The following C8orf34 variants were observed in gnomAD, a reference collection of about 807,000 sequenced individuals.
C8orf34 encodes chromosome 8 open reading frame 34.
C8orf34 carries 65 observed loss-of-function variants against 68.3 expected under a neutral mutation model. That is an observed-to-expected ratio of 0.95 (90% CI 0.78 to 1.17). The LOEUF is 1.17. Among genes scored for constraint, C8orf34 ranks in the 50% most tolerant of loss-of-function variants. C8orf34 has a pLI of 0.00. For synonymous variants in C8orf34, 244 were observed against 241.2 expected, an observed-to-expected ratio of 1.01 and a Z score of -0.11; for missense variants, 664 against 655.4, an observed-to-expected ratio of 1.01 and a Z score of -0.14.
At chr8:68,702,311 G>A (rs1319385777) in intron 8 of C8orf34, among the ~76,000 whole-genome samples, 1 of 152,062 alleles carries the variant, frequency 6.6e-6, no homozygotes, top group East Asian at 1.9e-4. Flanking sequence ...CCAATCCAAA[G>A]ATGAATATTA....
chr8:68,782,596 C>T (rs1365531401), intron 11 of C8orf34, among the ~76,000 whole-genome samples: 2 of 152,082 alleles, frequency 1.3e-5, no homozygotes. Context: ...TTTAGCATGC[C>T]TTGGATTCAC....
intron 7 of C8orf34, among the ~76,000 whole-genome samples, chr8:68,630,945 ATTT>A (rs36031699): frequency 8.4e-6 from 1 of 118,350 alleles, no homozygotes; most frequent in Non-Finnish European, 1.7e-5. Context: ...ATGCCCAGCT[ATTT>A]TTTTTTTTTT....
chr8:68,532,261 A>C (rs1815279619), intron 6 of C8orf34, among the ~76,000 whole-genome samples: 1 of 152,178 alleles, frequency 6.6e-6, no homozygotes, highest in Non-Finnish European at 1.5e-5. Flanking sequence ...ATTGAAACAA[A>C]AGTTATAGCA....
At chr8:68,772,224 A>C (rs534934999) in intron 10 of C8orf34, among the ~76,000 whole-genome samples, 1 of 152,354 alleles carries the variant, frequency 6.6e-6, no homozygotes, top group African/African-American at 2.4e-5. Context: ...TTAACATCAG[A>C]GGTCTTAGAC....
At chr8:68,718,000 C>G (rs1821526106) in intron 9 of C8orf34, among the ~76,000 whole-genome samples, 1 of 152,164 alleles carries the variant, frequency 6.6e-6, no homozygotes. Context: ...CTGGTTTCTG[C>G]TCATAGATAT....
At chr8:68,539,599 C>T (rs1364406780) in intron 7 of C8orf34, among the ~76,000 whole-genome samples, 1 of 152,164 alleles carries the variant, frequency 6.6e-6, no homozygotes, top group Non-Finnish European at 1.5e-5. Flanking sequence ...CGCCTGTAAT[C>T]CCAGCACTTT....
At chr8:68,813,222 A>G (rs1824707336) in intron 12 of C8orf34, among the ~76,000 whole-genome samples, 1 of 152,194 alleles carries the variant, frequency 6.6e-6, no homozygotes, top group Non-Finnish European at 1.5e-5. Context: ...TCCCACAAGT[A>G]TAGGAAATAA....
chr8:68,746,858 G>T (rs906040055), intron 10 of C8orf34, among the ~76,000 whole-genome samples: 2 of 151,982 alleles, frequency 1.3e-5, no homozygotes, highest in Non-Finnish European at 2.9e-5. Context: ...AACAGAAAAA[G>T]AGGGAATCCT....
intron 11 of C8orf34, among the ~76,000 whole-genome samples, chr8:68,783,312 G>A (rs1055383681): frequency 3.9e-5 from 6 of 151,996 alleles, no homozygotes; most frequent in African/African-American, 1.2e-4. Flanking sequence ...GAGGTCAGGA[G>A]ATCGAGACCA....
At chr8:68,381,849 A>G (rs1808056349) in intron 1 of C8orf34, among the ~76,000 whole-genome samples, 1 of 151,988 alleles carries the variant, frequency 6.6e-6, no homozygotes. Context: ...ATACCTATAG[A>G]TTAAAAACAG....
chr8:68,525,475 T>C, intron 6 of C8orf34: 1 of 597,620 alleles, frequency 1.7e-6, no homozygotes, highest in East Asian at 2.7e-5. Context: ...TTCTTTTTGG[T>C]TTCCCTCTGA....
intron 7 of C8orf34, among the ~76,000 whole-genome samples, chr8:68,582,353 C>G (rs1247613099): frequency 2.0e-5 from 3 of 152,090 alleles, no homozygotes; most frequent in African/African-American, 7.2e-5. Context: ...GGATATTACC[C>G]CTCTGGAAAA....
At chr8:68,565,700 G>T (rs1286278496) in intron 7 of C8orf34, among the ~76,000 whole-genome samples, 1 of 152,054 alleles carries the variant, frequency 6.6e-6, no homozygotes, top group Non-Finnish European at 1.5e-5. Flanking sequence ...GTTGCTTAAG[G>T]TATTACATTA....
rs572135693 is a variant in C8orf34, at chr8:68,753,937, T to C, written c.1405-22462T>C. On this transcript the variant is annotated intron_variant, in intron 10 of 13. Coordinates refer to ENST00000518698, the MANE Select transcript of C8orf34 (RefSeq NM_052958.4). ...AGTCACAGTCATTGGTGCCAAGCCC[T>C]TTCAGTGGCTGCTGGAGAGGTCAAG... 2.5e-3 allele frequency among the ~76,000 whole-genome samples: 381 copies of C among 152,250 alleles called. 1 individual carries two copies. Among genetic ancestry groups the C allele is most frequent in the African/African-American group, 8.4e-3 (350 of 41,534 alleles).
At chr8:68,528,428 C>T (rs561647744) in intron 6 of C8orf34, among the ~76,000 whole-genome samples, 1 of 152,320 alleles carries the variant, frequency 6.6e-6, no homozygotes, top group Admixed American at 6.5e-5. Flanking sequence ...TTCTCACCCA[C>T]CTTGTTCTTA....
chr8:68,634,356 T>C (rs1473771234), intron 7 of C8orf34, among the ~76,000 whole-genome samples: 2 of 152,256 alleles, frequency 1.3e-5, no homozygotes, highest in Non-Finnish European at 2.9e-5. Flanking sequence ...TATTTTTACC[T>C]CCTTCAATAC....
intron 10 of C8orf34, among the ~76,000 whole-genome samples, chr8:68,774,327 G>GTATATATATATATATATATATATATA (rs1332535200): frequency 0.034 from 3,214 of 94,250 alleles, 189 homozygotes; most frequent in African/African-American, 0.044. Flanking sequence ...ATATGGGTGT[G>GTATATATATATATATATATATATATA]TGTGTATATA....
chr8:68,522,066 T>G, intron 6 of C8orf34, 95 bp downstream of exon 6: 1 of 1,157,086 alleles, frequency 8.6e-7, no homozygotes, highest in African/African-American at 1.6e-5. Flanking sequence ...AAATCCGTTT[T>G]AGTAATTTTT....
intron 10 of C8orf34, among the ~76,000 whole-genome samples, chr8:68,761,127 C>T (rs958334816): frequency 3.9e-5 from 6 of 152,200 alleles, no homozygotes; most frequent in Admixed American, 3.3e-4. Flanking sequence ...AATACTTTTC[C>T]ACCTTCTTCT....
Sources: allele counts gnomAD v4.1 joint callset (sites outside exome capture counted in the v4.1 genomes callset), GRCh38; gene constraint gnomAD v4.1.1; transcripts MANE v1.5; gene names NCBI Gene and HGNC (gene_info 2026-07-23, HGNC 2026-07-21).